The following GALNTL6 variants were observed in gnomAD, a reference collection of about 807,000 sequenced individuals.
GALNTL6 encodes the protein polypeptide N-acetylgalactosaminyltransferase-like 6.
Under a neutral mutation model 73.7 loss-of-function variants are expected in GALNTL6, and 46 were observed. The ratio of observed to expected loss-of-function variants is 0.62; its 90% CI spans 0.49 to 0.80. GALNTL6 has a LOEUF of 0.80. Ranked by LOEUF, GALNTL6 falls within the 30% of genes least tolerant of loss-of-function variation. The probability of loss-of-function intolerance (pLI) is 0.00; values close to 1 mark genes in which losing one functional copy is unlikely to be tolerated. For missense variants in GALNTL6, 604 were observed against 755.0 expected (o/e 0.80, Z 2.34); for synonymous variants, 259 against 263.7 (o/e 0.98, Z 0.17).
At chr4:172,887,055 C>T (rs1444313363) in intron 8 of GALNTL6, among the ~76,000 whole-genome samples, 1 of 152,100 alleles carries the variant, frequency 6.6e-6, no homozygotes, top group African/African-American at 2.4e-5. Flanking sequence ...CAATGCTTAT[C>T]CTCCTCTTAT....
At chr4:171,909,522 G>A (rs1341058500) in intron 2 of GALNTL6, among the ~76,000 whole-genome samples, 1 of 152,128 alleles carries the variant, frequency 6.6e-6, no homozygotes, top group African/African-American at 2.4e-5. Context: ...TGCACATAAT[G>A]TTATAGGACA....
intron 10 of GALNTL6, among the ~76,000 whole-genome samples, chr4:173,000,917 C>T (rs1394856287): frequency 6.6e-6 from 1 of 152,154 alleles, no homozygotes; most frequent in Non-Finnish European, 1.5e-5. Context: ...CTTGGTACCT[C>T]AGAATGTAAC....
intron 4 of GALNTL6, among the ~76,000 whole-genome samples, chr4:172,330,749 A>G (rs1157665683): frequency 6.6e-6 from 1 of 152,156 alleles, no homozygotes; most frequent in Non-Finnish European, 1.5e-5. Flanking sequence ...GAAATTTTCC[A>G]TTTCTTCAAA....
intron 5 of GALNTL6, among the ~76,000 whole-genome samples, chr4:172,432,871 G>C (rs1011167442): frequency 6.6e-6 from 1 of 152,074 alleles, no homozygotes; most frequent in Non-Finnish European, 1.5e-5. Flanking sequence ...ACAACACTCT[G>C]CTGGATAGCT....
chr4:172,728,464 T>C (rs558134704), intron 5 of GALNTL6, among the ~76,000 whole-genome samples: 43 of 151,960 alleles, frequency 2.8e-4, no homozygotes, highest in Non-Finnish European at 6.2e-4. Context: ...CATGCTTTGT[T>C]ATGGCTGAAT....
chr4:172,156,596 T>G (rs1734298988), intron 2 of GALNTL6, among the ~76,000 whole-genome samples: 1 of 140,584 alleles, frequency 7.1e-6, no homozygotes, highest in Non-Finnish European at 1.5e-5. Flanking sequence ...TATATTGTAC[T>G]TCTCTTTATC....
At chr4:172,415,619 C>T (rs910249203) in intron 5 of GALNTL6, among the ~76,000 whole-genome samples, 16 of 152,088 alleles carry the variant, frequency 1.1e-4, no homozygotes, top group African/African-American at 3.1e-4. Context: ...GACAAGAACC[C>T]CTCAGACACC....
intron 5 of GALNTL6, among the ~76,000 whole-genome samples, chr4:172,429,267 A>T (rs10001642): frequency 2.7e-5 from 4 of 150,720 alleles, no homozygotes; most frequent in East Asian, 1.9e-4. Flanking sequence ...GCTGGTGTGC[A>T]GTGGCGTGAT....
chr4:172,970,866 G>A (rs1024439979), intron 10 of GALNTL6, among the ~76,000 whole-genome samples: 2 of 152,204 alleles, frequency 1.3e-5, no homozygotes, highest in African/African-American at 4.8e-5. Flanking sequence ...GTAAGGACAG[G>A]TGTAAGCAAA....
intron 3 of GALNTL6, among the ~76,000 whole-genome samples, chr4:172,282,311 G>A (rs1048010887): frequency 6.6e-6 from 1 of 152,152 alleles, no homozygotes; most frequent in African/African-American, 2.4e-5. Flanking sequence ...GCAAAGCAAA[G>A]TAAAACCCCA....
rs1013384539 is a variant in GALNTL6, at chr4:172,244,739, A to G, written c.247+14975A>G. Among the ~76,000 whole-genome samples the G allele has an allele frequency of 6.6e-5, 10 of 152,260 alleles. No individual in the cohort carries two copies. The East Asian group carries it at 1.2e-3, about 18-fold the overall frequency. On this transcript the variant is annotated intron_variant, in intron 3 of 12. Coordinates refer to ENST00000506823, the MANE Select transcript of GALNTL6 (RefSeq NM_001034845.3). ...ATCAAATCTATTCAATGGATACACA[A>G]TCTCAAAAATTTTTCACAAGGGGGT...
intron 5 of GALNTL6, among the ~76,000 whole-genome samples, chr4:172,397,892 T>C (rs1485915960): frequency 6.6e-6 from 1 of 152,158 alleles, no homozygotes; most frequent in Non-Finnish European, 1.5e-5. Flanking sequence ...CTTTTATTTT[T>C]ATCTTTTCTA....
chr4:172,257,015 T>A (rs73000322), intron 3 of GALNTL6, among the ~76,000 whole-genome samples: 1,731 of 151,416 alleles, frequency 0.011, 26 homozygotes, highest in African/African-American at 0.037. Context: ...GTACAATTGG[T>A]AAGTAGGGAA....
intron 5 of GALNTL6, among the ~76,000 whole-genome samples, chr4:172,404,175 A>T (rs1744134269): frequency 6.6e-6 from 1 of 151,972 alleles, no homozygotes; most frequent in African/African-American, 2.4e-5. Context: ...TTGCCAGATG[A>T]AATGAAGGAT....
intron 2 of GALNTL6, among the ~76,000 whole-genome samples, chr4:172,086,642 G>A (rs1266984136): frequency 6.6e-6 from 1 of 151,932 alleles, no homozygotes; most frequent in Non-Finnish European, 1.5e-5. Context: ...AACTGTGATT[G>A]GCCACTTTCA....
intron 2 of GALNTL6, among the ~76,000 whole-genome samples, chr4:171,953,149 G>C (rs780174018): frequency 2.6e-5 from 4 of 152,010 alleles, no homozygotes; most frequent in Non-Finnish European, 5.9e-5. Context: ...TAGTGAAACA[G>C]CATAGTCGGT....
At chr4:172,125,257 C>T (rs1192406129) in intron 2 of GALNTL6, among the ~76,000 whole-genome samples, 1 of 152,062 alleles carries the variant, frequency 6.6e-6, no homozygotes, top group Non-Finnish European at 1.5e-5. Context: ...TAAATAAAGA[C>T]AGAATTTTCA....
rs188332564 is a variant in GALNTL6 at position 172,963,213 on chromosome 4, C to T, written c.1371+10955C>T. On this transcript the variant is annotated intron_variant, in intron 10 of 12. Coordinates refer to ENST00000506823, the MANE Select transcript of GALNTL6 (RefSeq NM_001034845.3). ...TTCCTGCAGCTTAGAATCCTCCAGT[C>T]TCAGAAATCATATGGCTCCCGCCCT... Among the ~76,000 whole-genome samples, 5 of 152,216 alleles carry T rather than the reference C, an allele frequency of 3.3e-5. No homozygotes were observed. In the East Asian group the frequency reaches 9.7e-4, roughly 30 times the overall value.
chr4:172,936,832 A>G (rs1455379245), intron 9 of GALNTL6, among the ~76,000 whole-genome samples: 2 of 152,138 alleles, frequency 1.3e-5, no homozygotes, highest in Non-Finnish European at 2.9e-5. Flanking sequence ...TAAAAGCCAA[A>G]TTGTACAGGC....
Sources: gnomAD v4.1 joint callset for allele counts (sites outside exome capture counted in the v4.1 genomes callset) on GRCh38, gnomAD v4.1.1 for gene constraint, MANE v1.5 for transcripts, NCBI Gene and HGNC (gene_info 2026-07-23, HGNC 2026-07-21) for gene names.